Variants in HTR2C observed in about 807,000 individuals in gnomAD.
The protein encoded by HTR2C is 5-hydroxytryptamine receptor 2C.
Under a neutral mutation model 21.0 loss-of-function variants are expected in HTR2C, and 5 were observed. The ratio of observed to expected loss-of-function variants is 0.24; its 90% CI spans 0.12 to 0.50. HTR2C has a LOEUF of 0.50. HTR2C is among the 20% of genes least tolerant of loss of function. The probability of loss-of-function intolerance (pLI) is 0.98; values close to 1 mark genes in which losing one functional copy is unlikely to be tolerated. For missense variants in HTR2C, 271 were observed against 371.2 expected, an observed-to-expected ratio of 0.73 and a Z score of 2.22; for synonymous variants, 150 against 145.3, an observed-to-expected ratio of 1.03 and a Z score of -0.23.
intron 2 of HTR2C, among the ~76,000 whole-genome samples, chrX:114,631,287 A>C (rs1431030488): frequency 2.2e-5 from 2 of 92,805 alleles, no homozygotes; most frequent in Admixed American, 2.6e-4. Context: ...CTGGTGACAG[A>C]GCGAGACTCC....
intron 4 of HTR2C, among the ~76,000 whole-genome samples, chrX:114,837,039 T>C (rs1485720610): frequency 8.9e-6 from 1 of 111,875 alleles, no homozygotes; most frequent in Non-Finnish European, 1.9e-5. Context: ...GAGACATACT[T>C]TAGTTTAAGA....
chrX:114,864,458 T>G (rs2071029739), intron 5 of HTR2C, among the ~76,000 whole-genome samples: 1 of 111,793 alleles, frequency 8.9e-6, no homozygotes, highest in African/African-American at 3.2e-5. Context: ...TGTCACAACT[T>G]TTGTCTTGTT....
intron 2 of HTR2C, among the ~76,000 whole-genome samples, chrX:114,689,255 G>A (rs1189542612): frequency 2.5e-5 from 2 of 78,865 alleles, no homozygotes; most frequent in Non-Finnish European, 4.9e-5. Context: ...TCCACTCATT[G>A]CTTGATGGGC....
chrX:114,749,682 CAGAGTA>C (rs1242660088), intron 4 of HTR2C, among the ~76,000 whole-genome samples: 1 of 108,732 alleles, frequency 9.2e-6, no homozygotes, highest in Non-Finnish European at 1.9e-5. Context: ...ACCTGAGTGA[CAGAGTA>C]AGACACTGTT....
intron 4 of HTR2C, among the ~76,000 whole-genome samples, chrX:114,786,897 T>C (rs1287977418): frequency 2.7e-5 from 3 of 109,824 alleles, no homozygotes; most frequent in Non-Finnish European, 1.9e-5. Context: ...GTTTTTTGTT[T>C]TGTTTTGTTT....
rs973102884 is a variant in HTR2C, at chrX:114,622,097, A to G, written c.-80+8216A>G. Among the ~76,000 whole-genome samples the G allele has an allele frequency of 3.6e-5, 4 of 112,035 alleles. No homozygotes were observed. The Admixed American group carries it at 3.8e-4, about 11-fold the overall frequency. On this transcript the variant is annotated intron_variant, in intron 2 of 5. Transcript: ENST00000276198. Reference sequence around the variant, plus strand: ...ACAAATGATCAGGGCTTGCAAATTTATTGATGAAATGGGAAATATGTATCA... The same window carrying G: ...ACAAATGATCAGGGCTTGCAAATTTGTTGATGAAATGGGAAATATGTATCA...
chrX:114,886,317 A>T (rs1409217689), intron 5 of HTR2C, among the ~76,000 whole-genome samples: 1 of 110,396 alleles, frequency 9.1e-6, no homozygotes, highest in East Asian at 2.8e-4. Flanking sequence ...CTTCATTTTG[A>T]TTACATTTTT....
intron 2 of HTR2C, among the ~76,000 whole-genome samples, chrX:114,703,781 T>C (rs1932650623): frequency 1.8e-5 from 2 of 110,518 alleles, no homozygotes; most frequent in South Asian, 7.7e-4. Context: ...AGCTGGTTTT[T>C]TGAAAGGATC....
At position 114,735,295 on chromosome X, in the gene HTR2C, C is replaced by T. The variant is rs74561106; in HGVS notation, c.349+3688C>T. Reference sequence around the variant, plus strand: ...TTGAGCCACTGCAATCCAGCTTGGGCGACAGAGGGAGATTCCATCTCAAAT... The same window carrying T: ...TTGAGCCACTGCAATCCAGCTTGGGTGACAGAGGGAGATTCCATCTCAAAT... On this transcript the variant is annotated intron_variant, in intron 4 of 5. Coordinates refer to ENST00000276198, the MANE Select transcript of HTR2C (RefSeq NM_000868.4). Among the ~76,000 whole-genome samples, 849 of 109,586 alleles carry T rather than the reference C, an allele frequency of 7.7e-3. 14 individuals carry two copies. The highest frequency in any genetic ancestry group is 0.026 in the African/African-American group (797 of 30,124).
intron 2 of HTR2C, among the ~76,000 whole-genome samples, chrX:114,641,874 T>C (rs1218613322): frequency 9.0e-6 from 1 of 111,210 alleles, no homozygotes; most frequent in Non-Finnish European, 1.9e-5. Context: ...GCATTTCATC[T>C]TGATGCTCTC....
At chrX:114,827,298 A>G (rs1341240391) in intron 4 of HTR2C, among the ~76,000 whole-genome samples, 9 of 110,839 alleles carry the variant, frequency 8.1e-5, no homozygotes, top group African/African-American at 2.6e-4. Flanking sequence ...CTATATATAC[A>G]TATTTTTTCC....
At chrX:114,679,996 C>G in intron 2 of HTR2C, among the ~76,000 whole-genome samples, 1 of 109,319 alleles carries the variant, frequency 9.1e-6, no homozygotes, top group East Asian at 2.9e-4. Context: ...ACTATACCTA[C>G]TTCACTTGAT....
chrX:114,899,316 C>A (rs782090404), intron 5 of HTR2C, among the ~76,000 whole-genome samples: 8 of 111,545 alleles, frequency 7.2e-5, no homozygotes, highest in Non-Finnish European at 1.3e-4. Context: ...GCCCGCAGGA[C>A]AATGCTGCTT....
chrX:114,851,145 A>G (rs782028101), intron 5 of HTR2C, among the ~76,000 whole-genome samples: 2 of 112,022 alleles, frequency 1.8e-5, no homozygotes, highest in East Asian at 5.6e-4. Flanking sequence ...TCAGGGACAG[A>G]TAGACAAGTC....
At chrX:114,588,512 A>G (rs984451797) in intron 1 of HTR2C, among the ~76,000 whole-genome samples, 51 of 112,015 alleles carry the variant, frequency 4.6e-4, no homozygotes, top group Non-Finnish European at 6.2e-4. Flanking sequence ...GTTGAGCTCA[A>G]TGTAAAAATA....
chrX:114,699,825 C>T (rs1412736942), intron 2 of HTR2C, among the ~76,000 whole-genome samples: 6 of 112,214 alleles, frequency 5.3e-5, no homozygotes, highest in Non-Finnish European at 1.1e-4. Flanking sequence ...GAAGAAATAT[C>T]AAGCTGCTAG....
intron 2 of HTR2C, among the ~76,000 whole-genome samples, chrX:114,705,467 C>G (rs1254100169): frequency 4.6e-5 from 5 of 108,124 alleles, no homozygotes; most frequent in African/African-American, 1.7e-4. Flanking sequence ...AAAGGATTCC[C>G]TATTTAATAA....
chrX:114,726,225 T>G (rs1374620968), intron 2 of HTR2C, among the ~76,000 whole-genome samples: 1 of 112,251 alleles, frequency 8.9e-6, no homozygotes, highest in Non-Finnish European at 1.9e-5. Context: ...TGGTGCGCCG[T>G]TTTTTAAGCC....
In HTR2C at chrX:114,811,042, A is replaced by G. The variant is rs991817305; in HGVS notation, c.350-36961A>G. Among the ~76,000 whole-genome samples, 4 of 111,766 alleles carry G rather than the reference A, an allele frequency of 3.6e-5. No individual in the cohort carries two copies. The Admixed American group carries it at 3.8e-4, about 11-fold the overall frequency. On this transcript the variant is annotated intron_variant, in intron 4 of 5. Transcript: ENST00000276198. ...ATGATATAGTAAGGCTAATTATGTC[A>G]TTGAATGGCCAGTTGTGTTCTTTGA...
Sources: gnomAD v4.1 joint callset for allele counts (sites outside exome capture counted in the v4.1 genomes callset) on GRCh38, gnomAD v4.1.1 for gene constraint, MANE v1.5 for transcripts, NCBI Gene and HGNC (gene_info 2026-07-23, HGNC 2026-07-21) for gene names.